The following ARHGEF9 variants were observed in gnomAD, a reference collection of about 807,000 sequenced individuals.
ARHGEF9 encodes rho guanine nucleotide exchange factor 9.
ARHGEF9 carries 2 observed loss-of-function variants against 41.3 expected under a neutral mutation model. The observed-to-expected ratio is 0.05, with a 90% CI of 0.02 to 0.15. The LOEUF is 0.15. ARHGEF9 is among the 10% of genes least tolerant of loss of function. The probability of loss-of-function intolerance (pLI) is 1.00; values close to 1 mark genes in which losing one functional copy is unlikely to be tolerated. For missense variants in ARHGEF9, 225 were observed against 424.7 expected, an observed-to-expected ratio of 0.53 and a Z score of 4.13; for synonymous variants, 160 against 154.4, an observed-to-expected ratio of 1.04 and a Z score of -0.27.
intron 9 of ARHGEF9, chrX:63,638,553 A>G (rs1413978657): frequency 3.0e-5 from 11 of 366,319 alleles, no homozygotes; most frequent in Non-Finnish European, 4.7e-5. Context: ...TAGAACCTAC[A>G]TTCTTTGACT....
chrX:63,643,313 G>A, intron 9 of ARHGEF9, among the ~76,000 whole-genome samples: 1 of 110,714 alleles, frequency 9.0e-6, no homozygotes, highest in Non-Finnish European at 1.9e-5. Flanking sequence ...TCCTGATTTG[G>A]CACATGCCTC....
intron 1 of ARHGEF9, among the ~76,000 whole-genome samples, chrX:63,766,021 A>G (rs782094486): frequency 8.0e-5 from 9 of 112,128 alleles, no homozygotes; most frequent in Non-Finnish European, 1.5e-4. Flanking sequence ...CCACATACAT[A>G]TTTCTTATCC....
intron 8 of ARHGEF9, among the ~76,000 whole-genome samples, chrX:63,645,380 C>T (rs1325585847): frequency 4.5e-5 from 5 of 110,688 alleles, no homozygotes; most frequent in Non-Finnish European, 7.6e-5. Context: ...CCTCTCCATT[C>T]CCCCAACCCC....
At chrX:63,679,727 G>A (rs1469521694) in intron 4 of ARHGEF9, among the ~76,000 whole-genome samples, 4 of 111,588 alleles carry the variant, frequency 3.6e-5, no homozygotes, top group African/African-American at 1.3e-4. Context: ...CATGAAAAAC[G>A]TTAAGCTAAT....
At chrX:63,766,063 T>C (rs1441048499) in intron 1 of ARHGEF9, among the ~76,000 whole-genome samples, 7 of 112,572 alleles carry the variant, frequency 6.2e-5, no homozygotes, top group African/African-American at 2.3e-4. Flanking sequence ...CTCCTTAGAA[T>C]GTAAAACTAC....
chrX:63,714,665 CT>C (rs782393582), intron 2 of ARHGEF9, among the ~76,000 whole-genome samples: 2 of 111,824 alleles, frequency 1.8e-5, no homozygotes, highest in East Asian at 5.6e-4. Flanking sequence ...TCTCATGGGG[CT>C]GTTGTGAGGA....
At chrX:63,692,446 G>C (rs1602422566) in intron 4 of ARHGEF9, among the ~76,000 whole-genome samples, 1 of 112,316 alleles carries the variant, frequency 8.9e-6, no homozygotes, top group African/African-American at 3.2e-5. Context: ...ATGGCCAATA[G>C]GCATATGAAA....
At chrX:63,690,595 C>G (rs2051278124) in intron 4 of ARHGEF9, among the ~76,000 whole-genome samples, 1 of 111,196 alleles carries the variant, frequency 9.0e-6, no homozygotes, top group African/African-American at 3.3e-5. Context: ...CAAATTATTT[C>G]AAAAAAGTAA....
chrX:63,759,629 C>T (rs1383914476), intron 1 of ARHGEF9, among the ~76,000 whole-genome samples: 16 of 112,165 alleles, frequency 1.4e-4, no homozygotes, highest in African/African-American at 4.9e-4. Context: ...CAAATTCACA[C>T]TAGTTCTCAG....
At chrX:63,666,485 C>CACACACACAT (rs1200162143) in intron 6 of ARHGEF9, among the ~76,000 whole-genome samples, 1 of 106,100 alleles carries the variant, frequency 9.4e-6, no homozygotes, top group East Asian at 3.0e-4. Flanking sequence ...CACACACACA[C>CACACACACAT]ACATATATAT....
intron 6 of ARHGEF9, among the ~76,000 whole-genome samples, chrX:63,673,021 T>C (rs2050055935): frequency 8.9e-6 from 1 of 111,874 alleles, no homozygotes; most frequent in Non-Finnish European, 1.9e-5. Flanking sequence ...CCTTCAAATA[T>C]AGCCCAAAAG....
intron 1 of ARHGEF9, among the ~76,000 whole-genome samples, chrX:63,767,982 G>T (rs1289725367): frequency 8.9e-6 from 1 of 112,074 alleles, no homozygotes; most frequent in Non-Finnish European, 1.9e-5. Context: ...GCATGTCAAG[G>T]CACTTTTTCT....
chrX:63,699,873 C>T (rs1458570299), intron 3 of ARHGEF9, among the ~76,000 whole-genome samples: 1 of 112,026 alleles, frequency 8.9e-6, no homozygotes, highest in Non-Finnish European at 1.9e-5. Context: ...GTGATTACAA[C>T]TCTGTAAATA....
At position 63,636,833 on chromosome X, in the gene ARHGEF9, C is replaced by G. The variant is rs782147941; in HGVS notation, c.*1195G>C. ...TATCAGACTTGGACCCTGTCCAGGT[C>G]AATAATTTGAAGGTAGCTGATGATC... On this transcript the variant is annotated 3_prime_UTR_variant, in exon 10 of 10. Transcript: ENST00000671741. 6.8e-6 allele frequency: 2 copies of G among 295,481 alleles called. No homozygotes were observed. The highest frequency in any genetic ancestry group is 9.6e-5 in the East Asian group (2 of 20,942). 24.4% of individuals were successfully genotyped at this position (295,481 alleles called of 1,213,427 possible).
intron 8 of ARHGEF9, among the ~76,000 whole-genome samples, chrX:63,651,648 G>A (rs781850669): frequency 1.7e-4 from 19 of 110,820 alleles, no homozygotes; most frequent in Non-Finnish European, 7.6e-5. Flanking sequence ...TGGATGGCAA[G>A]AGATCTTAAG....
chrX:63,773,050 C>A (rs1222315198), intron 1 of ARHGEF9, among the ~76,000 whole-genome samples: 1 of 111,739 alleles, frequency 8.9e-6, no homozygotes, highest in Non-Finnish European at 1.9e-5. Flanking sequence ...GTCCTCATGG[C>A]AATAGGATCT....
chrX:63,727,188 A>G (rs1312921055), intron 1 of ARHGEF9: 14 of 111,758 alleles, frequency 1.3e-4, no homozygotes, highest in African/African-American at 4.6e-4. Flanking sequence ...ATCAATTACC[A>G]ACCTTCTGCT....
At chrX:63,644,693 C>T (rs2047879687) in intron 8 of ARHGEF9, among the ~76,000 whole-genome samples, 3 of 109,424 alleles carry the variant, frequency 2.7e-5, no homozygotes, top group Non-Finnish European at 5.7e-5. Context: ...TAACAAAAAA[C>T]AGACATCATA....
intron 1 of ARHGEF9, among the ~76,000 whole-genome samples, chrX:63,741,245 C>T (rs1234320878): frequency 3.6e-5 from 4 of 112,629 alleles, no homozygotes; most frequent in Non-Finnish European, 7.5e-5. Flanking sequence ...CTGCATCTGC[C>T]TGTTAACTCA....
Sources: gnomAD v4.1 joint callset for allele counts (sites outside exome capture counted in the v4.1 genomes callset) on GRCh38, gnomAD v4.1.1 for gene constraint, MANE v1.5 for transcripts, NCBI Gene and HGNC (gene_info 2026-07-23, HGNC 2026-07-21) for gene names.